Variants in COL27A1 observed in about 807,000 individuals in gnomAD.
The protein encoded by COL27A1 is collagen alpha-1(XXVII) chain.
A neutral mutation model predicts 251.3 loss-of-function variants in COL27A1; 106 were observed. That is an observed-to-expected ratio of 0.42 (90% CI 0.36 to 0.50). COL27A1 has a LOEUF of 0.50. COL27A1 is among the 20% of genes least tolerant of loss of function. COL27A1 has a pLI of 0.00. For synonymous variants in COL27A1, 1,000 were observed against 986.3 expected, an observed-to-expected ratio of 1.01 and a Z score of -0.26; for missense variants, 2,325 against 2,522.8, an observed-to-expected ratio of 0.92 and a Z score of 1.68.
chr9:114,156,173 C>T (rs1452589663), intron 1 of COL27A1, among the ~76,000 whole-genome samples, 161 bp downstream of exon 1: 1 of 151,746 alleles, frequency 6.6e-6, no homozygotes, highest in East Asian at 2.0e-4. Context: ...ATAGGGGCTG[C>T]GCCCCCGGCC....
chr9:114,235,079 CAA>C (rs34337576), intron 16 of COL27A1, among the ~76,000 whole-genome samples: 2 of 88,242 alleles, frequency 2.3e-5, no homozygotes, highest in African/African-American at 4.9e-5. Flanking sequence ...GACTCCATCT[CAA>C]AAAAAAAAAA....
At chr9:114,213,325 C>A (rs529611547) in intron 12 of COL27A1, among the ~76,000 whole-genome samples, 1 of 152,160 alleles carries the variant, frequency 6.6e-6, no homozygotes, top group East Asian at 1.9e-4. Context: ...CCCCTCCTGG[C>A]GGCCCCTTCA....
intron 28 of COL27A1, among the ~76,000 whole-genome samples, chr9:114,262,701 G>A (rs181258845): frequency 6.6e-6 from 1 of 152,346 alleles, no homozygotes; most frequent in Non-Finnish European, 1.5e-5. Context: ...TGAGCAGCCC[G>A]GTGCCTAGGG....
intron 5 of COL27A1, among the ~76,000 whole-genome samples, chr9:114,189,864 C>T (rs1252559172): frequency 2.0e-5 from 3 of 152,182 alleles, no homozygotes; most frequent in African/African-American, 7.2e-5. Context: ...CATCCCCTTA[C>T]TGAATCACCT....
intron 28 of COL27A1, among the ~76,000 whole-genome samples, chr9:114,263,663 G>T (rs998373512): frequency 6.6e-6 from 1 of 152,088 alleles, no homozygotes; most frequent in South Asian, 2.1e-4. Flanking sequence ...GGGGGATGGG[G>T]GTGGACTCCA....
chr9:114,275,848 AG>A, intron 37 of COL27A1, 80 bp downstream of exon 37: 1 of 936,842 alleles, frequency 1.1e-6, no homozygotes, highest in Non-Finnish European at 1.6e-6. Context: ...GCTGGGCGGG[AG>A]GGCTTTTGGT....
In COL27A1 at chr9:114,264,225, A is replaced by G. The variant is rs111738766; in HGVS notation, c.3196-130A>G. The G allele has an allele frequency of 2.6e-5, 16 of 624,700 alleles. No individual in the cohort carries two copies. In the African/African-American group the frequency reaches 2.6e-4, roughly 10 times the overall value. 38.7% of individuals were successfully genotyped at this position (624,700 alleles called of 1,614,324 possible). A position where few individuals can be genotyped will look rare whatever the true frequency, so the allele number is the denominator to read the frequency against. On this transcript the variant is annotated intron_variant, in intron 28 of 60. Coordinates refer to ENST00000356083, the MANE Select transcript of COL27A1 (RefSeq NM_032888.4). ...CCACCTCAGTGGGGAGTGTGTGGGA[A>G]GTGGGAGGAGGAGGGGGCCGGAGCT...
At chr9:114,190,325 G>T (rs1340395863) in intron 5 of COL27A1, among the ~76,000 whole-genome samples, 2 of 152,176 alleles carry the variant, frequency 1.3e-5, no homozygotes, top group Non-Finnish European at 2.9e-5. Flanking sequence ...AGGCTGGAGT[G>T]CAGTGGTGCT....
intron 39 of COL27A1, 113 bp downstream of exon 39, chr9:114,282,677 C>A: frequency 1.5e-6 from 1 of 664,922 alleles, no homozygotes; most frequent in Non-Finnish European, 2.5e-6. Context: ...CAGCTATTAG[C>A]TGAACACCTG....
intron 28 of COL27A1, among the ~76,000 whole-genome samples, chr9:114,261,328 G>T (rs2253449): frequency 0.81 from 123,466 of 152,100 alleles, 50,857 homozygotes; most frequent in African/African-American, 0.95. Context: ...AGAGCAGACA[G>T]GTAGCTCTGA....
Position 114,169,372 on chromosome 9 carries a change from G to A in COL27A1, c.1817G>A (p.Ser606Asn), listed in dbSNP as rs1387342028. Reference sequence around the variant, plus strand: ...CTGTCCTCCAGCCCCCGGCCCACGAGCAGTGGCTATTCGATCTTCCACCTG... The same window carrying A: ...CTGTCCTCCAGCCCCCGGCCCACGAACAGTGGCTATTCGATCTTCCACCTG... ...QFLSSSPRPTSSGYSIFHLAG... is the reference protein window; with the variant it reads ...QFLSSSPRPTNSGYSIFHLAG... Residue 606 changes from serine (S) to asparagine (N), a missense_variant, in exon 3 of 61, where the codon AGC becomes AAC. Coordinates refer to ENST00000356083, the MANE Select transcript of COL27A1 (RefSeq NM_032888.4). The A allele has an allele frequency of 3.7e-6, 6 of 1,611,456 alleles. No homozygotes were observed. Among genetic ancestry groups the A allele is most frequent in the South Asian group, 3.3e-5 (3 of 90,966 alleles).
chr9:114,213,794 C>T (rs2135351050), intron 12 of COL27A1, among the ~76,000 whole-genome samples: 1 of 152,308 alleles, frequency 6.6e-6, no homozygotes, highest in East Asian at 1.9e-4. Flanking sequence ...CTGTCAAAGC[C>T]ATTTGTCCAT....
intron 33 of COL27A1, among the ~76,000 whole-genome samples, chr9:114,267,288 T>C (rs1393997033): frequency 1.3e-5 from 2 of 152,176 alleles, no homozygotes; most frequent in Non-Finnish European, 2.9e-5. Flanking sequence ...TCTAGAAGCC[T>C]CTGGGTAGTC....
rs373339810 is a variant in COL27A1 at position 114,287,057 on chromosome 9, C to G, written c.3988-1398C>G. On this transcript the variant is annotated intron_variant, in intron 41 of 60. Coordinates refer to ENST00000356083, the MANE Select transcript of COL27A1 (RefSeq NM_032888.4). ...GGGACTTGAGCACTGGATCCAAGAACCATAGAGAGTGGGCAGGGTCAAGAA... is the reference window on the plus strand; with the variant it reads ...GGGACTTGAGCACTGGATCCAAGAAGCATAGAGAGTGGGCAGGGTCAAGAA... Among the ~76,000 whole-genome samples the G allele has an allele frequency of 3.1e-4, 47 of 152,310 alleles. 1 individual carries two copies. The highest frequency in any genetic ancestry group is 1.8e-3 in the Admixed American group (27 of 15,306).
At position 114,275,673 on chromosome 9, in the gene COL27A1, G is replaced by A; in HGVS notation, c.3622G>A (p.Asp1208Asn). ...GPDGLKGDRGDPGPDGEHGEK... is the reference protein window; with the variant it reads ...GPDGLKGDRGNPGPDGEHGEK... ...CCCTGCCACCCAGGGGGACAGGGGA[G>A]ACCCAGGGCCTGATGGAGAACATGG... The change falls in exon 37 of 61, where the codon GAC (aspartate) becomes AAC (asparagine). Residue 1208 changes from aspartate to asparagine, a missense_variant. Asp to Asn is a conservative substitution (Grantham distance 23, BLOSUM62 1). Transcript: ENST00000356083. 2 of 1,549,346 alleles carry A rather than the reference G, an allele frequency of 1.3e-6. No individual in the cohort carries two copies. Among genetic ancestry groups the A allele is most frequent in the Non-Finnish European group, 1.7e-6 (2 of 1,146,250 alleles).
chr9:114,159,684 G>T (rs1848361943), intron 1 of COL27A1, among the ~76,000 whole-genome samples: 1 of 152,224 alleles, frequency 6.6e-6, no homozygotes, highest in Non-Finnish European at 1.5e-5. Flanking sequence ...GGATTGTCAA[G>T]ACTGGGATGC....
intron 49 of COL27A1, among the ~76,000 whole-genome samples, chr9:114,299,368 C>T (rs527946338): frequency 6.6e-6 from 1 of 152,370 alleles, no homozygotes; most frequent in East Asian, 1.9e-4. Flanking sequence ...ATGGCAGGCT[C>T]TTCTGCCTCC....
At chr9:114,252,814 C>T (rs1181557435) in intron 26 of COL27A1, 65 bp from the exon 27 acceptor site, 69 of 1,541,524 alleles carry the variant, frequency 4.5e-5, no homozygotes, top group South Asian at 4.2e-4. Flanking sequence ...CTGAGCCGAC[C>T]GAGGTGGGAC....
At chr9:114,192,859 G>A (rs899745658) in intron 5 of COL27A1, among the ~76,000 whole-genome samples, 7 of 152,200 alleles carry the variant, frequency 4.6e-5, no homozygotes, top group South Asian at 4.1e-4. Context: ...GAGGGTGACC[G>A]AGTCAGGATT....
Sources: allele counts gnomAD v4.1 joint callset (sites outside exome capture counted in the v4.1 genomes callset), GRCh38; gene constraint gnomAD v4.1.1; transcripts MANE v1.5; gene names NCBI Gene and HGNC (gene_info 2026-07-23, HGNC 2026-07-21).